SYNRG: variants seen among roughly 807,000 people sequenced by gnomAD.
SYNRG encodes AP1 gamma subunit binding protein 1.
SYNRG carries 37 observed loss-of-function variants against 130.9 expected under a neutral mutation model. The observed-to-expected ratio is 0.28, with a 90% CI of 0.22 to 0.37. The LOEUF (loss-of-function observed/expected upper bound fraction) is 0.37. SYNRG is among the 10% of genes least tolerant of loss of function. The pLI is 1.00. For synonymous variants in SYNRG, 539 were observed against 568.1 expected, an observed-to-expected ratio of 0.95 and a Z score of 0.73; for missense variants, 1,338 against 1,588.9, an observed-to-expected ratio of 0.84 and a Z score of 2.68.
At chr17:37,536,210 T>A in intron 18 of SYNRG, 83 bp from the exon 19 acceptor site, 1 of 1,454,616 alleles carries the variant, frequency 6.9e-7, no homozygotes, top group South Asian at 1.4e-5. Flanking sequence ...TGCTTGCTGA[T>A]ATCTGTGAGA....
Position 37,553,572 on chromosome 17 carries a change from C to T in SYNRG, c.2151G>A (p.Glu717=), listed in dbSNP as rs1166970296. 6.2e-7 allele frequency: 1 copy of T among 1,614,042 alleles called. No homozygotes were observed. The highest frequency in any genetic ancestry group is 8.5e-7 in the Non-Finnish European group (1 of 1,180,032). The stretch of plus-strand genomic sequence containing the variant: ...TGGTTAGAGGAACAGGACTGGCTTC[C>T]TCTTTAAGGGCATCATATTTGTCAT... ...KPDDKYDALK[E]EASPVPLTSN... The change falls in exon 14 of 22, where the codon GAG becomes GAA. Residue 717 remains glutamate (E), a synonymous_variant. Transcript: ENST00000612223.
At chr17:37,583,018 TCTCA>T (rs1280127033) in intron 6 of SYNRG, among the ~76,000 whole-genome samples, 3 of 149,898 alleles carry the variant, frequency 2.0e-5, no homozygotes, top group African/African-American at 7.4e-5. Flanking sequence ...TGAGATGGAG[TCTCA>T]CTCTGTCGTC....
chr17:37,560,130 CA>C (rs574273036), intron 13 of SYNRG, among the ~76,000 whole-genome samples: 3 of 151,672 alleles, frequency 2.0e-5, no homozygotes, highest in Non-Finnish European at 2.9e-5. Context: ...AGGCTGGTCT[CA>C]AACTCCTGGG....
intron 14 of SYNRG, among the ~76,000 whole-genome samples, chr17:37,550,409 G>C (rs1010440480): frequency 6.6e-6 from 1 of 152,208 alleles, no homozygotes. Context: ...AAACCCTCTA[G>C]TCTTAGGATA....
At chr17:37,539,819 A>G (rs573844841) in intron 16 of SYNRG, among the ~76,000 whole-genome samples, 1 of 152,336 alleles carries the variant, frequency 6.6e-6, no homozygotes, top group Admixed American at 6.5e-5. Context: ...GTAACAGTGT[A>G]AGCCTTTCTT....
chr17:37,535,570 G>A (rs570963242), intron 19 of SYNRG, among the ~76,000 whole-genome samples: 2 of 152,070 alleles, frequency 1.3e-5, no homozygotes, highest in African/African-American at 4.8e-5. Context: ...AATGACCCAA[G>A]AACCTAAAAA....
intron 1 of SYNRG, among the ~76,000 whole-genome samples, chr17:37,603,719 CAG>C (rs578159553): frequency 1.2e-3 from 180 of 152,340 alleles, no homozygotes; most frequent in African/African-American, 3.8e-3. Flanking sequence ...ATGCTGTAAA[CAG>C]ATGTGCTGTC....
Position 37,539,201 on chromosome 17 carries a change from A to G in SYNRG, c.3411T>C (p.Ser1137=). 1 of 1,614,010 alleles carries G rather than the reference A, an allele frequency of 6.2e-7. No individual in the cohort carries two copies. Among genetic ancestry groups the G allele is most frequent in the Non-Finnish European group, 8.5e-7 (1 of 1,180,016 alleles). ...TAAGTGACATACTCACATTCAGGGC[A>G]CTCCCCAGGCATCTCTGCCATTCAT... ...YAYEWQRCLG[S]ALNVIKKAND... Residue 1137 remains serine, a synonymous_variant, in exon 17 of 22, where the codon AGT becomes AGC. Transcript: ENST00000612223.
At chr17:37,582,868 T>G (rs1441208394) in intron 6 of SYNRG, among the ~76,000 whole-genome samples, 1 of 152,116 alleles carries the variant, frequency 6.6e-6, no homozygotes, top group Admixed American at 6.6e-5. Context: ...AAAAAAGTTA[T>G]ATGATCAATA....
chr17:37,586,387 TTTG>T, intron 4 of SYNRG, 29 bp downstream of exon 4: 1 of 1,612,522 alleles, frequency 6.2e-7, no homozygotes, highest in Non-Finnish European at 8.5e-7. Flanking sequence ...ATAATGTATC[TTTG>T]TTATCCTTTA....
chr17:37,583,959 G>C (rs1287670264), intron 6 of SYNRG, among the ~76,000 whole-genome samples: 2 of 152,164 alleles, frequency 1.3e-5, no homozygotes, highest in African/African-American at 2.4e-5. Flanking sequence ...GCCTCCCAAA[G>C]TGCTGGGATT....
Position 37,536,041 on chromosome 17 carries a change from G to C in SYNRG, c.3604C>G (p.Leu1202Val). ...AVCSEKLQQL[L>V]KDIDKVWNNL... ...TTCCATACTTTATCGATGTCCTTCA[G>C]CAACTGCTGGAGTTTCTCACTGCAC... Residue 1202 changes from leucine (L) to valine (V), a missense_variant, in exon 19 of 22, where the codon CTG becomes GTG. Physicochemically the swap from Leu to Val is conservative, Grantham distance 32 (BLOSUM62 1). This residue lies in a region of SYNRG where 1,146 missense variants were observed against 1,342.3 expected (regional missense o/e 0.85). Coordinates refer to ENST00000612223, the MANE Select transcript of SYNRG (RefSeq NM_007247.6). The C allele has an allele frequency of 6.2e-7, 1 of 1,614,166 alleles. No homozygotes were observed. Among genetic ancestry groups the C allele is most frequent in the Non-Finnish European group, 8.5e-7 (1 of 1,180,048 alleles).
In SYNRG at chr17:37,522,743, G is replaced by A. The variant is rs543184275; in HGVS notation, c.3667-2095C>T. ...GCAAGCTCCACCTCCTGGGTTCAAG[G>A]GATGCTTCTGCCTCAGCCTCCCAAG... is the stretch of plus-strand genomic sequence containing the variant. On this transcript the variant is annotated intron_variant, in intron 19 of 21. Transcript: ENST00000612223. Among the ~76,000 whole-genome samples the A allele has an allele frequency of 2.0e-5, 3 of 151,598 alleles. No individual in the cohort carries two copies. In the South Asian group the frequency reaches 6.3e-4, roughly 32 times the overall value.
chr17:37,525,955 G>C (rs574671311), intron 19 of SYNRG, among the ~76,000 whole-genome samples: 44 of 152,302 alleles, frequency 2.9e-4, no homozygotes, highest in Admixed American at 9.8e-4. Context: ...AACAGAGCGA[G>C]ACTCCGTCTC....
chr17:37,532,328 T>C (rs571891004), intron 19 of SYNRG, among the ~76,000 whole-genome samples: 2 of 152,312 alleles, frequency 1.3e-5, no homozygotes, highest in Non-Finnish European at 2.9e-5. Context: ...TTTTACCACA[T>C]CAACACTATT....
intron 19 of SYNRG, among the ~76,000 whole-genome samples, chr17:37,528,104 A>C (rs1381193640): frequency 6.6e-6 from 1 of 152,244 alleles, no homozygotes; most frequent in Non-Finnish European, 1.5e-5. Flanking sequence ...ACAGATTCAA[A>C]TCACAGACTT....
rs1390880574 is a variant in SYNRG at position 37,515,528 on chromosome 17, G to GGCTCACTGCAACCTCC, written c.*3396_*3411dup. 1 of 152,300 alleles carries GGCTCACTGCAACCTCC rather than the reference G, an allele frequency of 6.6e-6. No individual in the cohort carries two copies. Among genetic ancestry groups the GGCTCACTGCAACCTCC allele is most frequent in the African/African-American group, 2.4e-5 (1 of 41,448 alleles). 9.4% of individuals were successfully genotyped at this position (152,300 alleles called of 1,614,324 possible). On this transcript the variant is annotated 3_prime_UTR_variant, in exon 22 of 22. Transcript: ENST00000612223. ...GGCTGGAGTGCAGTGGCGCGATCTC[G>GGCTCACTGCAACCTCC]GCTCACTGCAACCTCCGCCTCTCTG...
intron 3 of SYNRG, among the ~76,000 whole-genome samples, chr17:37,595,497 C>T (rs150511239): frequency 7.9e-5 from 12 of 152,010 alleles, no homozygotes; most frequent in South Asian, 2.1e-4. Flanking sequence ...GACTACAAGA[C>T]GGGAGAAAGT....
chr17:37,583,344 G>GT, intron 6 of SYNRG, among the ~76,000 whole-genome samples: 1 of 152,078 alleles, frequency 6.6e-6, no homozygotes, highest in East Asian at 1.9e-4. Flanking sequence ...TTTTAGATAT[G>GT]TTTTTCCTTT....
Sources: allele counts gnomAD v4.1 joint callset (sites outside exome capture counted in the v4.1 genomes callset), GRCh38; gene constraint gnomAD v4.1.1; regional missense constraint gnomAD v4.1.1; transcripts MANE v1.5; gene names NCBI Gene and HGNC (gene_info 2026-07-23, HGNC 2026-07-21).